Variants in PLXNA4 observed in about 807,000 individuals in gnomAD.
PLXNA4 encodes the protein plexin-A4.
A neutral mutation model predicts 191.8 loss-of-function variants in PLXNA4; 44 were observed. The observed-to-expected ratio is 0.23, with a 90% confidence interval of 0.18 to 0.29. PLXNA4 has a LOEUF of 0.29. Among genes scored for constraint, PLXNA4 ranks in the 10% least tolerant of loss-of-function variants. PLXNA4 has a pLI of 1.00. For synonymous variants in PLXNA4, 1,082 were observed against 1,009.5 expected, an observed-to-expected ratio of 1.07 and a Z score of -1.36; for missense variants, 1,800 against 2,488.8, an observed-to-expected ratio of 0.72 and a Z score of 5.89.
At chr7:132,371,431 A>G (rs1804434832) in intron 3 of PLXNA4, among the ~76,000 whole-genome samples, 1 of 152,166 alleles carries the variant, frequency 6.6e-6, no homozygotes, top group East Asian at 1.9e-4. Context: ...CCTAATCTCA[A>G]ATCACTTCTT....
intron 15 of PLXNA4, among the ~76,000 whole-genome samples, chr7:132,186,124 C>T (rs1796871094): frequency 6.6e-6 from 1 of 152,228 alleles, no homozygotes; most frequent in African/African-American, 2.4e-5. Context: ...TCTAGAGAAT[C>T]TCAGGCCAGC....
chr7:132,413,105 T>C (rs1284451004), intron 3 of PLXNA4, among the ~76,000 whole-genome samples: 1 of 152,110 alleles, frequency 6.6e-6, no homozygotes, highest in African/African-American at 2.4e-5. Context: ...GTCTCAAGCA[T>C]TAACACTCTC....
chr7:132,553,812 T>A (rs899060573), intron 1 of PLXNA4, among the ~76,000 whole-genome samples: 1 of 151,932 alleles, frequency 6.6e-6, no homozygotes, highest in Admixed American at 6.6e-5. Context: ...AATTAGGGAG[T>A]GCTGTCCTCT....
intron 4 of PLXNA4, among the ~76,000 whole-genome samples, chr7:132,264,848 C>T (rs1347938379): frequency 1.3e-5 from 2 of 152,104 alleles, no homozygotes; most frequent in Admixed American, 1.3e-4. Context: ...CAGGCGCCTG[C>T]CACCTCACCC....
chr7:132,462,608 AATT>A lies in PLXNA4; in HGVS notation c.1371+26681_1371+26683del, dbSNP rs933690125. 6.6e-5 allele frequency among the ~76,000 whole-genome samples: 10 copies of A among 152,020 alleles called. No homozygotes were observed. In the East Asian group the frequency reaches 1.2e-3, roughly 18 times the overall value. On this transcript the variant is annotated intron_variant, in intron 3 of 31. Coordinates refer to ENST00000321063, the MANE Select transcript of PLXNA4 (RefSeq NM_020911.2). ...TATCTTCTTTTATTTAAAAAAAAAT[AATT>A]ATTATTATTTTGTACAGACAGGGTC...
At chr7:132,437,152 C>T (rs2241731) in intron 3 of PLXNA4, among the ~76,000 whole-genome samples, 105,860 of 152,112 alleles carry the variant, frequency 0.7, 43,183 homozygotes, top group Non-Finnish European at 0.91. Context: ...AAAATGGCTA[C>T]AAGCTGATGC....
chr7:132,303,120 G>A (rs189749713), intron 3 of PLXNA4, among the ~76,000 whole-genome samples: 14 of 151,730 alleles, frequency 9.2e-5, no homozygotes, highest in African/African-American at 1.9e-4. Flanking sequence ...TGATCTGCCC[G>A]CCTCGGCCTC....
intron 3 of PLXNA4, among the ~76,000 whole-genome samples, chr7:132,355,276 T>C (rs1022511846): frequency 2.0e-5 from 3 of 152,218 alleles, no homozygotes; most frequent in African/African-American, 4.8e-5. Context: ...ATTCCTGAAC[T>C]TCGTCCAAGT....
chr7:132,234,596 T>TTG (rs60249306), intron 5 of PLXNA4, among the ~76,000 whole-genome samples: 7,367 of 144,114 alleles, frequency 0.051, 215 homozygotes, highest in African/African-American at 0.078. Flanking sequence ...AGCATGTGTT[T>TTG]TGTGTGTGTG....
intron 4 of PLXNA4, among the ~76,000 whole-genome samples, chr7:132,256,793 T>C (rs893839504): frequency 6.6e-6 from 1 of 152,048 alleles, no homozygotes; most frequent in African/African-American, 2.4e-5. Flanking sequence ...GCCTTGACCA[T>C]AGGGAGCAGA....
intron 2 of PLXNA4, among the ~76,000 whole-genome samples, chr7:132,636,492 T>C (rs1032766259): frequency 1.3e-5 from 2 of 152,114 alleles, no homozygotes; most frequent in East Asian, 1.9e-4. Context: ...CCAGGAGTGA[T>C]TGGTTATTAT....
At chr7:132,577,738 C>A (rs1248989679), upstream of PLXNA4, among the ~76,000 whole-genome samples, 1 of 152,168 alleles carries the variant, frequency 6.6e-6, no homozygotes. Context: ...TCAGCCGCCT[C>A]GGAATTTGCA....
At position 132,127,599 on chromosome 7, in the gene PLXNA4, A is replaced by G. The variant is rs1794804774; in HGVS notation, c.*2880T>C. ...AAATGGAAAACAAACAGCAGAAGAT[A>G]ATTTTTATAAGCAAGATGGGCTGTG... On this transcript the variant is annotated 3_prime_UTR_variant, in exon 32 of 32. Coordinates refer to ENST00000321063, the MANE Select transcript of PLXNA4 (RefSeq NM_020911.2). The G allele has an allele frequency of 6.6e-6, 1 of 152,180 alleles. No homozygotes were observed. The highest frequency in any genetic ancestry group is 1.5e-5 in the Non-Finnish European group (1 of 68,038). 9.4% of individuals were successfully genotyped at this position (152,180 alleles called of 1,614,324 possible). A position where few individuals can be genotyped will look rare whatever the true frequency, so the allele number is the denominator to read the frequency against.
At chr7:132,328,396 A>G (rs1802456943) in intron 3 of PLXNA4, among the ~76,000 whole-genome samples, 1 of 152,020 alleles carries the variant, frequency 6.6e-6, no homozygotes, top group Non-Finnish European at 1.5e-5. Context: ...GACATCACTG[A>G]GGCACATGGG....
chr7:132,416,517 C>T (rs1224435639), intron 3 of PLXNA4, among the ~76,000 whole-genome samples: 1 of 152,190 alleles, frequency 6.6e-6, no homozygotes, highest in Non-Finnish European at 1.5e-5. Context: ...TTCCCATCAT[C>T]CTCATCCTTG....
At chr7:132,348,787 A>G (rs1803355882) in intron 3 of PLXNA4, among the ~76,000 whole-genome samples, 1 of 152,230 alleles carries the variant, frequency 6.6e-6, no homozygotes, top group South Asian at 2.1e-4. Context: ...AGTGCAGAGA[A>G]TCACTCTGGT....
chr7:132,377,423 A>AC (rs1491287978), intron 3 of PLXNA4, among the ~76,000 whole-genome samples: 1 of 104,244 alleles, frequency 9.6e-6, no homozygotes, highest in Non-Finnish European at 2.0e-5. Context: ...AATGAAAAAG[A>AC]AAAAAAAAAA....
At chr7:132,241,045 C>A (rs748653502) in intron 5 of PLXNA4, 21 bp downstream of exon 5, 2 of 1,555,294 alleles carry the variant, frequency 1.3e-6, no homozygotes, top group African/African-American at 2.7e-5. Context: ...AGGCACGAGG[C>A]AGCCTCCCCA....
At chr7:132,373,441 T>C (rs1170405029) in intron 3 of PLXNA4, among the ~76,000 whole-genome samples, 2 of 152,164 alleles carry the variant, frequency 1.3e-5, no homozygotes, top group Non-Finnish European at 2.9e-5. Context: ...CATAGGTTAG[T>C]GAAACCAGCA....
Sources: allele counts gnomAD v4.1 joint callset (sites outside exome capture counted in the v4.1 genomes callset), GRCh38; gene constraint gnomAD v4.1.1; transcripts MANE v1.5; gene names NCBI Gene and HGNC (gene_info 2026-07-23, HGNC 2026-07-21).